The following LRRTM3 variants were observed in gnomAD, a reference collection of about 807,000 sequenced individuals.
LRRTM3 encodes leucine-rich repeat transmembrane neuronal protein 3.
Under a neutral mutation model 44.7 loss-of-function variants are expected in LRRTM3, and 24 were observed. That is an observed-to-expected ratio of 0.54 (90% confidence interval 0.39 to 0.76). The LOEUF (loss-of-function observed/expected upper bound fraction) is 0.76, where lower values mean the gene tolerates loss of function less well. LRRTM3 is among the 30% of genes least tolerant of loss of function. LRRTM3 has a pLI of 0.00. For missense variants in LRRTM3, 587 were observed against 702.2 expected (o/e 0.84, Z 1.85); for synonymous variants, 277 against 278.7 (o/e 0.99, Z 0.06).
In LRRTM3 at chr10:67,006,530, A is replaced by G. The variant is rs539078882; in HGVS notation, c.1536+78078A>G. 2.3e-4 allele frequency among the ~76,000 whole-genome samples: 25 copies of G among 108,968 alleles called. No individual in the cohort carries two copies. In the South Asian group the frequency reaches 8.2e-3, roughly 36 times the overall value. The allele number at this position is 108,968 out of a possible 152,430, so 71.5% of individuals were successfully genotyped here. ...CTTTTTCCTGGGACAAATCCCCCAG[A>G]TGTTTTCTATTCTCTTATAACTTCA... On this transcript the variant is annotated intron_variant, in intron 2 of 2. Coordinates refer to ENST00000361320, the MANE Select transcript of LRRTM3 (RefSeq NM_178011.5).
chr10:67,023,396 C>G (rs1167562404), intron 2 of LRRTM3, among the ~76,000 whole-genome samples: 1 of 152,110 alleles, frequency 6.6e-6, no homozygotes, highest in African/African-American at 2.4e-5. Context: ...AAAGAAGCAT[C>G]AAACTTCAGC....
chr10:67,079,797 G>A (rs1856951337), intron 2 of LRRTM3, among the ~76,000 whole-genome samples: 1 of 151,642 alleles, frequency 6.6e-6, no homozygotes, highest in South Asian at 2.1e-4. Context: ...GCAGTGAGCT[G>A]AGATTGCACC....
At chr10:67,004,778 C>T (rs1851878190) in intron 2 of LRRTM3, among the ~76,000 whole-genome samples, 2 of 152,116 alleles carry the variant, frequency 1.3e-5, no homozygotes, top group African/African-American at 4.8e-5. Flanking sequence ...TAAAATATTT[C>T]CTGGTTTGGG....
intron 2 of LRRTM3, among the ~76,000 whole-genome samples, chr10:67,094,879 T>A (rs950772290): frequency 1.3e-5 from 2 of 151,666 alleles, no homozygotes; most frequent in African/African-American, 2.4e-5. Context: ...GTATGTATAC[T>A]ATATTTACAT....
chr10:67,096,193 AT>A (rs1184648973), intron 2 of LRRTM3, among the ~76,000 whole-genome samples: 1 of 151,780 alleles, frequency 6.6e-6, no homozygotes, highest in African/African-American at 2.4e-5. Context: ...AAAAGAAGTG[AT>A]TAGTTTTATT....
chr10:66,994,146 A>T (rs1176322855), intron 2 of LRRTM3, among the ~76,000 whole-genome samples: 1 of 152,220 alleles, frequency 6.6e-6, no homozygotes. Context: ...CCATCACTAT[A>T]TTCTTATAGA....
intron 2 of LRRTM3, among the ~76,000 whole-genome samples, chr10:67,083,087 G>A (rs10762135): frequency 0.76 from 115,979 of 151,984 alleles, 44,920 homozygotes; most frequent in Middle Eastern, 0.9. Context: ...GGGGACCAGT[G>A]AGCATCCTGG....
In LRRTM3 at chr10:66,928,318, T is replaced by A; in HGVS notation, c.1402T>A (p.Ser468Thr). 5 of 1,614,012 alleles carry A rather than the reference T, an allele frequency of 3.1e-6. No homozygotes were observed. The highest frequency in any genetic ancestry group is 4.2e-6 in the Non-Finnish European group (5 of 1,180,004). ...AAGGCACAGGAAAAAGAAAAGACAG[T>A]CCCTAAAGCAAATGACTCCCAGCAC... is the stretch of plus-strand genomic sequence containing the variant. ...MRRHRKKKRQ[S>T]LKQMTPSTQE... Residue 468 changes from serine to threonine, a missense_variant, in exon 2 of 3, where the codon TCC becomes ACC. Ser to Thr is a moderately conservative substitution (Grantham distance 58, BLOSUM62 1). Around this residue, in one of 3 missense-constraint regions of LRRTM3, gnomAD observed 315 missense variants for 335.6 expected, o/e 0.94. Transcript: ENST00000361320.
At chr10:67,025,326 C>A (rs1458462531) in intron 2 of LRRTM3, among the ~76,000 whole-genome samples, 1 of 149,682 alleles carries the variant, frequency 6.7e-6, no homozygotes, top group African/African-American at 2.4e-5. Flanking sequence ...TTTGTAAGCC[C>A]ATGCAAAAAA....
At chr10:67,086,953 A>T (rs188733508) in intron 2 of LRRTM3, among the ~76,000 whole-genome samples, 3 of 152,138 alleles carry the variant, frequency 2.0e-5, no homozygotes, top group African/African-American at 7.2e-5. Flanking sequence ...CAAGGGGATT[A>T]AAAAAAGGAA....
intron 2 of LRRTM3, among the ~76,000 whole-genome samples, chr10:66,952,988 C>G (rs1433216080): frequency 2.6e-5 from 4 of 151,912 alleles, no homozygotes; most frequent in South Asian, 2.1e-4. Flanking sequence ...TTTCAAAAAC[C>G]TGGAGCTATT....
Position 66,989,941 on chromosome 10 carries a change from C to G in LRRTM3, c.1536+61489C>G, listed in dbSNP as rs1589557219. The stretch of plus-strand genomic sequence containing the variant: ...TGTTCAAGAAATATTTGTTGAACTT[C>G]ATTAAAAAATTAAGATAGCCACCTC... On this transcript the variant is annotated intron_variant, in intron 2 of 2. Coordinates refer to ENST00000361320, the MANE Select transcript of LRRTM3 (RefSeq NM_178011.5). Among the ~76,000 whole-genome samples, 4 of 152,132 alleles carry G rather than the reference C, an allele frequency of 2.6e-5. No individual in the cohort carries two copies. The Middle Eastern group carries it at 0.01, about 388-fold the overall frequency.
At chr10:67,025,193 C>T (rs1209980113) in intron 2 of LRRTM3, among the ~76,000 whole-genome samples, 1 of 149,024 alleles carries the variant, frequency 6.7e-6, no homozygotes, top group Non-Finnish European at 1.5e-5. Context: ...AAAGAAACCA[C>T]AAGAAATATT....
At chr10:67,046,110 C>T (rs1215280551) in intron 2 of LRRTM3, among the ~76,000 whole-genome samples, 2 of 119,060 alleles carry the variant, frequency 1.7e-5, no homozygotes, top group African/African-American at 3.0e-5. Flanking sequence ...GGGCTAATCC[C>T]AGAAAAGGCA....
At chr10:67,064,719 T>C (rs551803379) in intron 2 of LRRTM3, among the ~76,000 whole-genome samples, 4 of 152,296 alleles carry the variant, frequency 2.6e-5, no homozygotes, top group Admixed American at 2.0e-4. Flanking sequence ...CTGTGTGAGG[T>C]ATTAATTGAA....
intron 2 of LRRTM3, among the ~76,000 whole-genome samples, chr10:67,016,009 C>T (rs770396778): frequency 1.2e-4 from 17 of 143,346 alleles, no homozygotes; most frequent in Non-Finnish European, 2.5e-4. Context: ...TCTGTTTTCA[C>T]TGCTTTTATT....
chr10:66,984,349 A>T (rs886459288), intron 2 of LRRTM3, among the ~76,000 whole-genome samples: 1 of 152,214 alleles, frequency 6.6e-6, no homozygotes, highest in Admixed American at 6.6e-5. Context: ...AATACAACAA[A>T]TTAGAGTGAT....
chr10:66,942,613 T>G (rs1848063363), intron 2 of LRRTM3, among the ~76,000 whole-genome samples: 1 of 151,972 alleles, frequency 6.6e-6, no homozygotes. Flanking sequence ...TCTGCGTGTG[T>G]GTGCATGTGT....
rs182873278 is a variant in LRRTM3, at chr10:67,057,740, G to A, written c.1537-39847G>A. 4.6e-5 allele frequency among the ~76,000 whole-genome samples: 7 copies of A among 152,136 alleles called. No individual in the cohort carries two copies. The East Asian group carries it at 1.4e-3, about 29-fold the overall frequency. On this transcript the variant is annotated intron_variant, in intron 2 of 2. Transcript: ENST00000361320. Reference sequence around the variant, plus strand: ...CATTTTACCACCACCACCACGATGAGCTTCTTCTTCACTCTCTCTCCCACT... The same window carrying A: ...CATTTTACCACCACCACCACGATGAACTTCTTCTTCACTCTCTCTCCCACT...
Sources: allele counts gnomAD v4.1 joint callset (sites outside exome capture counted in the v4.1 genomes callset), GRCh38; gene constraint gnomAD v4.1.1; regional missense constraint gnomAD v4.1.1; transcripts MANE v1.5; gene names NCBI Gene and HGNC (gene_info 2026-07-23, HGNC 2026-07-21).